Variants in ADGRG3 observed in about 807,000 individuals in gnomAD.
ADGRG3 encodes the protein adhesion G protein-coupled receptor G3.
A neutral mutation model predicts 54.3 loss-of-function variants in ADGRG3; 39 were observed. That is an observed-to-expected ratio of 0.72 (90% CI 0.56 to 0.94). ADGRG3 has a LOEUF of 0.94. ADGRG3 is among the 40% of genes least tolerant of loss of function. ADGRG3 has a pLI of 0.00. For synonymous variants in ADGRG3, 312 were observed against 290.0 expected, an observed-to-expected ratio of 1.08 and a Z score of -0.77; for missense variants, 654 against 694.6, an observed-to-expected ratio of 0.94 and a Z score of 0.66.
chr16:57,670,715 C>T (rs541714513), intron 1 of ADGRG3, among the ~76,000 whole-genome samples: 15 of 152,216 alleles, frequency 9.9e-5, no homozygotes, highest in South Asian at 4.1e-4. Context: ...CTATCTAAAA[C>T]GAATTATCAC....
At chr16:57,681,485 C>A (rs1597774189) in intron 8 of ADGRG3, among the ~76,000 whole-genome samples, 1 of 152,146 alleles carries the variant, frequency 6.6e-6, no homozygotes, top group East Asian at 1.9e-4. Context: ...CTTTGGGAGG[C>A]CGAGGCAGGT....
rs2048516654 is a variant in ADGRG3, at chr16:57,688,429, TTGGACCAGGCC to T, written c.1619_1629del (p.Leu540SerfsTer23). On this transcript the variant is annotated frameshift_variant, in exon 12 of 12. Coordinates refer to ENST00000333493, the MANE Select transcript of ADGRG3 (RefSeq NM_170776.5). LOFTEE classifies it high-confidence loss of function. ...CACAGTCTCCTCCTCTACTGCAAGA[TTGGACCAGGCC>T]CACTCCGCATCTCAAGAATAGGAAG... 6.2e-7 allele frequency: 1 copy of T among 1,612,010 alleles called. No individual in the cohort carries two copies. Among genetic ancestry groups the T allele is most frequent in the Non-Finnish European group, 8.5e-7 (1 of 1,178,214 alleles).
upstream of ADGRG3, chr16:57,668,214 AG>A (rs1277669035): frequency 4.4e-6 from 3 of 687,126 alleles, no homozygotes; most frequent in Non-Finnish European, 7.4e-6. Context: ...GCCATCGAGC[AG>A]GAAGGGTGAG....
At chr16:57,683,192 T>C (rs954866425) in intron 8 of ADGRG3, among the ~76,000 whole-genome samples, 17 of 152,196 alleles carry the variant, frequency 1.1e-4, no homozygotes, top group Non-Finnish European at 2.4e-4. Context: ...CACCTTGGTA[T>C]AGTTTGGGTC....
chr16:57,678,470 G>C (rs766796218), intron 4 of ADGRG3, 154 bp downstream of exon 4: 12 of 668,704 alleles, frequency 1.8e-5, no homozygotes, highest in African/African-American at 1.4e-4. Context: ...GGCCATCTCA[G>C]ACACCTGTCA....
chr16:57,684,799 C>T lies in ADGRG3; in HGVS notation c.1256+316C>T, dbSNP rs115873333. ...TGAGGCAAAGTAAAGAAGGTCACCC[C>T]GTCCGCATGCGGGGTGCGCAGCCTG... On this transcript the variant is annotated intron_variant, in intron 10 of 11. Coordinates refer to ENST00000333493, the MANE Select transcript of ADGRG3 (RefSeq NM_170776.5). 5.8e-3 allele frequency among the ~76,000 whole-genome samples: 882 copies of T among 152,278 alleles called. 16 individuals are homozygous for T. Among genetic ancestry groups the T allele is most frequent in the African/African-American group, 0.02 (833 of 41,544 alleles).
upstream of ADGRG3, among the ~76,000 whole-genome samples, chr16:57,667,173 C>G (rs1343464783): frequency 2.6e-5 from 4 of 152,224 alleles, no homozygotes; most frequent in African/African-American, 9.6e-5. Context: ...ACCCAGAGGG[C>G]TCAGCAGGAG....
chr16:57,673,200 G>A (rs772254199), intron 1 of ADGRG3, 121 bp from the exon 2 acceptor site: 14 of 904,368 alleles, frequency 1.5e-5, no homozygotes, highest in African/African-American at 6.6e-5. Flanking sequence ...TTAGTGTGAT[G>A]CATGGAGCTG....
chr16:57,680,005 TC>T, intron 6 of ADGRG3, 150 bp downstream of exon 6: 1 of 315,376 alleles, frequency 3.2e-6, no homozygotes, highest in Non-Finnish European at 6.0e-6. Context: ...TCCCCTCCCT[TC>T]CCCTCCCCTC....
At chr16:57,681,675 G>A (rs1407656200) in intron 8 of ADGRG3, among the ~76,000 whole-genome samples, 3 of 134,790 alleles carry the variant, frequency 2.2e-5, no homozygotes, top group Non-Finnish European at 1.5e-5. Flanking sequence ...GCAGTGAGCC[G>A]AGATCACACC....
upstream of ADGRG3, chr16:57,668,064 T>TCTTCC (rs2048085145): frequency 1.8e-6 from 1 of 542,408 alleles, no homozygotes; most frequent in South Asian, 2.2e-5. Context: ...CCTAGCCCCG[T>TCTTCC]AGATCCCACC....
Position 57,684,078 on chromosome 16 carries a change from C to T in ADGRG3, c.1028C>T (p.Ala343Val). ...GSDAACWARGAVFHYFLLCAF... is the reference protein window; with the variant it reads ...GSDAACWARGVVFHYFLLCAF... The stretch of plus-strand genomic sequence containing the variant: ...GATGCTGCCTGCTGGGCCCGGGGGG[C>T]TGTCTTCCACTACTTCCTGCTCTGT... The change falls in exon 9 of 12, where the codon GCT becomes GTT. Residue 343 changes from alanine to valine, a missense_variant. Coordinates refer to ENST00000333493, the MANE Select transcript of ADGRG3 (RefSeq NM_170776.5). 6.2e-7 allele frequency: 1 copy of T among 1,614,036 alleles called. No homozygotes were observed. Among genetic ancestry groups the T allele is most frequent in the African/African-American group, 1.3e-5 (1 of 74,998 alleles).
chr16:57,684,987 G>A (rs2048447180), intron 10 of ADGRG3, among the ~76,000 whole-genome samples: 1 of 152,126 alleles, frequency 6.6e-6, no homozygotes, highest in Admixed American at 6.5e-5. Context: ...CTCTCCCAGG[G>A]CCTCAGTCTC....
At chr16:57,670,942 C>A (rs563251132) in intron 1 of ADGRG3, among the ~76,000 whole-genome samples, 46 of 152,108 alleles carry the variant, frequency 3.0e-4, no homozygotes, top group African/African-American at 1.0e-3. Flanking sequence ...AGCCCCTGCC[C>A]GCCTCAGCCC....
chr16:57,684,235 G>C (rs1597779853), intron 9 of ADGRG3, 23 bp downstream of exon 9: 1 of 1,603,494 alleles, frequency 6.2e-7, no homozygotes. Flanking sequence ...TGGATGGACA[G>C]AATAAACGGC....
intron 4 of ADGRG3, 144 bp from the exon 5 acceptor site, chr16:57,679,033 C>T (rs2048315263): frequency 2.2e-6 from 2 of 924,674 alleles, no homozygotes; most frequent in Non-Finnish European, 1.6e-6. Context: ...CTGCCTGTGA[C>T]TCCTTGGCTC....
chr16:57,669,459 C>T (rs1206765629), intron 1 of ADGRG3, among the ~76,000 whole-genome samples: 1 of 152,158 alleles, frequency 6.6e-6, no homozygotes, highest in East Asian at 1.9e-4. Context: ...ACGGAGCCAC[C>T]GATGGCAGCT....
upstream of ADGRG3, among the ~76,000 whole-genome samples, chr16:57,666,605 G>A (rs751371473): frequency 6.6e-6 from 1 of 152,224 alleles, no homozygotes; most frequent in Non-Finnish European, 1.5e-5. Flanking sequence ...TGGGGCAGGA[G>A]GCGGCAGGAA....
chr16:57,675,125 G>A (rs542845871), intron 2 of ADGRG3, among the ~76,000 whole-genome samples: 5 of 151,522 alleles, frequency 3.3e-5, no homozygotes, highest in Non-Finnish European at 5.9e-5. Flanking sequence ...ATGGATAACG[G>A]CATAATTAAA....
Sources: allele counts gnomAD v4.1 joint callset (sites outside exome capture counted in the v4.1 genomes callset), GRCh38; gene constraint gnomAD v4.1.1; transcripts MANE v1.5; gene names NCBI Gene and HGNC (gene_info 2026-07-23, HGNC 2026-07-21).